The following WDFY3 variants were observed in gnomAD, a reference collection of about 807,000 sequenced individuals.
WDFY3 encodes the protein WD repeat and FYVE domain-containing protein 3.
WDFY3 carries 66 observed loss-of-function variants against 409.6 expected under a neutral mutation model. That is an observed-to-expected ratio of 0.16 (90% CI 0.13 to 0.20). The LOEUF is 0.20. WDFY3 is among the 10% of genes least tolerant of loss of function. The pLI is 1.00. For synonymous variants in WDFY3, 1,521 were observed against 1,537.1 expected, an observed-to-expected ratio of 0.99 and a Z score of 0.25; for missense variants, 3,031 against 4,298.1, an observed-to-expected ratio of 0.71 and a Z score of 8.24.
chr4:84,718,916 G>A (rs1734401296), intron 47 of WDFY3, among the ~76,000 whole-genome samples: 1 of 152,172 alleles, frequency 6.6e-6, no homozygotes, highest in Non-Finnish European at 1.5e-5. Context: ...AAAGGGAATT[G>A]AGGCATACAT....
chr4:84,776,037 A>G (rs1459097578), intron 27 of WDFY3, among the ~76,000 whole-genome samples: 1 of 152,084 alleles, frequency 6.6e-6, no homozygotes, highest in Non-Finnish European at 1.5e-5. Flanking sequence ...TATAAATACT[A>G]TATATGTAGT....
At position 84,755,345 on chromosome 4, in the gene WDFY3, G is replaced by A. The variant is rs1741254723; in HGVS notation, c.5480C>T (p.Thr1827Ile). The A allele has an allele frequency of 6.2e-7, 1 of 1,612,202 alleles. No individual in the cohort carries two copies. Among genetic ancestry groups the A allele is most frequent in the Non-Finnish European group, 8.5e-7 (1 of 1,179,656 alleles). The change falls in exon 34 of 68, where the codon ACT becomes ATT. Residue 1827 changes from threonine (T) to isoleucine (I), a missense_variant. Thr to Ile is a moderately conservative substitution (Grantham distance 89). Around this residue, in one of 16 missense-constraint regions of WDFY3, gnomAD observed 342 missense variants for 463.7 expected, o/e 0.74. Coordinates refer to ENST00000295888, the MANE Select transcript of WDFY3 (RefSeq NM_014991.6). ...TACGTTATGGATAGAAGAGACCACA[G>A]TTCCGCTGGAGGCAGGAACTCCAAA... ...FIFGVPASSG[T>I]VVSSIHNVCT...
chr4:84,807,109 T>C (rs183387685), intron 15 of WDFY3, among the ~76,000 whole-genome samples: 1 of 152,308 alleles, frequency 6.6e-6, no homozygotes, highest in East Asian at 1.9e-4. Context: ...TATTCAACAA[T>C]TCCTTGGGCT....
intron 22 of WDFY3, among the ~76,000 whole-genome samples, 171 bp from the exon 23 acceptor site, chr4:84,787,884 T>C (rs1313562521): frequency 6.6e-6 from 1 of 152,206 alleles, no homozygotes; most frequent in African/African-American, 2.4e-5. Flanking sequence ...GATCTGTAAC[T>C]GAGGACCAGG....
In WDFY3 at chr4:84,717,005, G is replaced by T; in HGVS notation, c.7766C>A (p.Pro2589His). The change falls in exon 49 of 68, where the codon CCT becomes CAT. Residue 2589 changes from proline to histidine, a missense_variant. By Grantham distance (77) the Pro-to-His change is moderately conservative. Transcript: ENST00000295888. Reference protein sequence around the residue: ...IETLPPNMHEPIIPRGARQGP... With the variant: ...IETLPPNMHEHIIPRGARQGP... ...TTGCCTGGCTCCTCTAGGAATAATAGGCTCATGCATACTACAGGCAGCCAA... is the reference window on the plus strand; with the variant it reads ...TTGCCTGGCTCCTCTAGGAATAATATGCTCATGCATACTACAGGCAGCCAA... The T allele has an allele frequency of 6.2e-7, 1 of 1,603,156 alleles. No individual in the cohort carries two copies. Among genetic ancestry groups the T allele is most frequent in the Non-Finnish European group, 8.5e-7 (1 of 1,175,030 alleles).
In WDFY3 at chr4:84,682,401, G is replaced by C. The variant is rs149597245; in HGVS notation, c.9796C>G (p.Gln3266Glu). The C allele has an allele frequency of 2.5e-6, 4 of 1,613,840 alleles. No individual in the cohort carries two copies. The African/African-American group carries it at 4.0e-5, about 16-fold the overall frequency. ...APEPAEVLEMQEDCPEAQIGQ... is the reference protein window; with the variant it reads ...APEPAEVLEMEEDCPEAQIGQ... Reference sequence around the variant, plus strand: ...ATTTGTGCTTCTGGACAGTCTTCCTGCATTTCTAGGACTTCAGCAGGCTCA... The same window carrying C: ...ATTTGTGCTTCTGGACAGTCTTCCTCCATTTCTAGGACTTCAGCAGGCTCA... The change falls in exon 64 of 68, where the codon CAG (glutamine) becomes GAG (glutamate). Residue 3266 changes from glutamine (Q) to glutamate (E), a missense_variant. Gln to Glu is a conservative substitution (Grantham distance 29). Coordinates refer to ENST00000295888, the MANE Select transcript of WDFY3 (RefSeq NM_014991.6).
At position 84,697,551 on chromosome 4, in the gene WDFY3, T is replaced by G. The variant is rs1033983332; in HGVS notation, c.8597-728A>C. ...ATTTTAAGTGATAGCCAAGATAATT[T>G]CTAAAATATAAAAGAAACCATTCAC... On this transcript the variant is annotated intron_variant, in intron 56 of 67. Transcript: ENST00000295888. Among the ~76,000 whole-genome samples, 3 of 152,194 alleles carry G rather than the reference T, an allele frequency of 2.0e-5. No homozygotes were observed. The South Asian group carries it at 6.2e-4, about 31-fold the overall frequency.
Position 84,966,569 on chromosome 4 carries a change from G to A in WDFY3, c.-586C>T, listed in dbSNP as rs1438752894. The stretch of plus-strand genomic sequence containing the variant: ...CCTCGGGTTTCTTCTCTCCATCAAG[G>A]CCGGGCCGACCCGCAGGGACCATCC... On this transcript the variant is annotated 5_prime_UTR_variant, in exon 1 of 68. Transcript: ENST00000295888. Among the ~76,000 whole-genome samples, 1 of 152,006 alleles carries A rather than the reference G, an allele frequency of 6.6e-6. No individual in the cohort carries two copies. The highest frequency in any genetic ancestry group is 1.5e-5 in the Non-Finnish European group (1 of 67,988).
At chr4:84,697,744 A>C (rs2148900395) in intron 56 of WDFY3, among the ~76,000 whole-genome samples, 1 of 152,344 alleles carries the variant, frequency 6.6e-6, no homozygotes, top group South Asian at 2.1e-4. Context: ...AACAATGTTG[A>C]CTCACTAGTT....
chr4:84,782,245 T>C (rs1039184940), intron 25 of WDFY3, among the ~76,000 whole-genome samples: 1 of 152,172 alleles, frequency 6.6e-6, no homozygotes, highest in Non-Finnish European at 1.5e-5. Flanking sequence ...TACCAAATCA[T>C]GAAACAATCA....
In WDFY3 at chr4:84,960,668, G is replaced by A. The variant is rs371761548; in HGVS notation, c.-226+5541C>T. On this transcript the variant is annotated intron_variant, in intron 1 of 67. Transcript: ENST00000295888. ...CTCTTCTTATTTTAAAAAAAAGAAG[G>A]GGTCTCACTATGTTGCCCAGGCTGG... Among the ~76,000 whole-genome samples, 11 of 152,034 alleles carry A rather than the reference G, an allele frequency of 7.2e-5. No homozygotes were observed. In the East Asian group the frequency reaches 1.8e-3, roughly 24 times the overall value.
In WDFY3 at chr4:84,803,323, T is replaced by C. The variant is rs957796912; in HGVS notation, c.2574A>G (p.Leu858=). The stretch of plus-strand genomic sequence containing the variant: ...GTGTCACTGACCCAACAGAGGCCAG[T>C]AGGTCCAGCATGGCAAGCATGGCTC... ...HPGAMLAMLD[L]LASVGSVTQP... Residue 858 remains leucine, a synonymous_variant, in exon 16 of 68, where the codon CTA becomes CTG. Transcript: ENST00000295888. 3.1e-6 allele frequency: 5 copies of C among 1,613,044 alleles called. No individual in the cohort carries two copies. The highest frequency in any genetic ancestry group is 4.5e-5 in the East Asian group (2 of 44,874).
At chr4:84,933,948 C>T (rs945699730) in intron 1 of WDFY3, among the ~76,000 whole-genome samples, 4 of 151,970 alleles carry the variant, frequency 2.6e-5, no homozygotes, top group Admixed American at 6.6e-5. Flanking sequence ...AGTTTGCATC[C>T]GAATCTTGGT....
chr4:84,718,611 T>C, intron 47 of WDFY3, 41 bp from the exon 48 acceptor site: 3 of 1,585,796 alleles, frequency 1.9e-6, no homozygotes, highest in Non-Finnish European at 2.6e-6. Context: ...ATAGGCTTTT[T>C]GTAAAGATCA....
chr4:84,948,008 T>C (rs570127129), intron 1 of WDFY3, among the ~76,000 whole-genome samples: 5 of 152,184 alleles, frequency 3.3e-5, no homozygotes, highest in Non-Finnish European at 7.4e-5. Flanking sequence ...ATGAGTCCCA[T>C]TAATTCCTTT....
In WDFY3 at chr4:84,736,283, T is replaced by C. The variant is rs769640754; in HGVS notation, c.6802A>G (p.Thr2268Ala). Residue 2268 changes from threonine to alanine, a missense_variant, in exon 42 of 68, where the codon ACC (threonine) becomes GCC (alanine). Around this residue, in one of 16 missense-constraint regions of WDFY3, gnomAD observed 98 missense variants for 194.9 expected, o/e 0.50. Coordinates refer to ENST00000295888, the MANE Select transcript of WDFY3 (RefSeq NM_014991.6). The stretch of plus-strand genomic sequence containing the variant: ...ACACGGGATAATTTGGACTGTGTGG[T>C]GGGCGCTAAAGCTTCTCCTCGACTT... ...CISRGEALAP[T>A]TQSKLSRVSS... The C allele has an allele frequency of 6.2e-7, 1 of 1,612,036 alleles. No homozygotes were observed. The highest frequency in any genetic ancestry group is 1.1e-5 in the South Asian group (1 of 90,532).
chr4:84,739,219 A>G, intron 39 of WDFY3, 100 bp from the exon 40 acceptor site: 2 of 1,157,204 alleles, frequency 1.7e-6, no homozygotes, highest in African/African-American at 1.5e-5. Context: ...CAGACACTGA[A>G]TGTCTACTCA....
intron 1 of WDFY3, among the ~76,000 whole-genome samples, chr4:84,939,693 C>T (rs1158073295): frequency 2.0e-5 from 3 of 151,784 alleles, no homozygotes; most frequent in Non-Finnish European, 4.4e-5. Context: ...AGCAGGAATG[C>T]CAATAGGCTT....
intron 32 of WDFY3, among the ~76,000 whole-genome samples, chr4:84,761,874 A>G (rs1742670239): frequency 6.6e-6 from 1 of 152,238 alleles, no homozygotes; most frequent in African/African-American, 2.4e-5. Context: ...GCTCACCATC[A>G]CTGGCCATCA....
Sources: gnomAD v4.1 joint callset for allele counts (sites outside exome capture counted in the v4.1 genomes callset) on GRCh38, gnomAD v4.1.1 for gene constraint, gnomAD v4.1.1 regional missense constraint, MANE v1.5 for transcripts, NCBI Gene and HGNC (gene_info 2026-07-23, HGNC 2026-07-21) for gene names.